RBM47: variants seen among roughly 807,000 people sequenced by gnomAD.
The protein encoded by RBM47 is RNA-binding protein 47.
Under a neutral mutation model 47.1 loss-of-function variants are expected in RBM47, and 21 were observed. The ratio of observed to expected loss-of-function variants is 0.45; its 90% CI spans 0.32 to 0.64. The LOEUF (loss-of-function observed/expected upper bound fraction) is 0.64, where lower values mean the gene tolerates loss of function less well. Among genes scored for constraint, RBM47 ranks in the 30% least tolerant of loss-of-function variants. The probability of loss-of-function intolerance (pLI) is 0.05; values close to 1 mark genes in which losing one functional copy is unlikely to be tolerated. For missense variants in RBM47, 708 were observed against 870.9 expected (o/e 0.81, Z 2.35); for synonymous variants, 375 against 361.7 (o/e 1.04, Z -0.42).
At chr4:40,602,645 TA>T (rs535210913) in intron 1 of RBM47, among the ~76,000 whole-genome samples, 1,473 of 122,818 alleles carry the variant, frequency 0.012, 13 homozygotes, top group Middle Eastern at 0.033. Flanking sequence ...AGAATCCGTT[TA>T]AAAAAAAAAA....
chr4:40,481,518 C>G lies in RBM47; in HGVS notation c.-154-14819G>C, dbSNP rs181207168. On this transcript the variant is annotated intron_variant, in intron 2 of 6. Coordinates refer to ENST00000295971, the MANE Select transcript of RBM47 (RefSeq NM_001098634.2). ...TTTTTATTTTTGAGATGTACTCAAG[C>G]CCTGGGGAAGTGCAGTCAAAGACCT... 6.8e-5 allele frequency among the ~76,000 whole-genome samples: 10 copies of G among 147,230 alleles called. No individual in the cohort carries two copies. The East Asian group carries it at 1.8e-3, about 26-fold the overall frequency.
chr4:40,468,157 G>C (rs570967522), intron 2 of RBM47, among the ~76,000 whole-genome samples: 1 of 152,196 alleles, frequency 6.6e-6, no homozygotes, highest in African/African-American at 2.4e-5. Context: ...TGCAGTGGTA[G>C]GCGCCTGTAA....
intron 1 of RBM47, among the ~76,000 whole-genome samples, chr4:40,563,140 G>C (rs1285813696): frequency 2.0e-5 from 3 of 152,168 alleles, no homozygotes; most frequent in Non-Finnish European, 2.9e-5. Flanking sequence ...GCAGTGAGCC[G>C]AGATGGCGCC....
chr4:40,461,598 C>T (rs1331331198), intron 3 of RBM47, among the ~76,000 whole-genome samples: 2 of 152,140 alleles, frequency 1.3e-5, no homozygotes, highest in Non-Finnish European at 2.9e-5. Flanking sequence ...GGCTGGATTT[C>T]AGTTTGTTTC....
chr4:40,591,392 C>A (rs958249388), intron 1 of RBM47, among the ~76,000 whole-genome samples: 2 of 152,046 alleles, frequency 1.3e-5, no homozygotes, highest in Admixed American at 6.6e-5. Flanking sequence ...ATAAGAAAAT[C>A]AGATATGTGA....
chr4:40,458,205 T>C (rs1245828161), intron 3 of RBM47, among the ~76,000 whole-genome samples: 2 of 152,216 alleles, frequency 1.3e-5, no homozygotes, highest in African/African-American at 4.8e-5. Context: ...AAAAATAACA[T>C]AGGTCTTTTT....
chr4:40,541,248 C>T (rs397544), intron 2 of RBM47, among the ~76,000 whole-genome samples: 2 of 147,522 alleles, frequency 1.4e-5, no homozygotes, highest in Non-Finnish European at 3.0e-5. Context: ...CCTAGGTGAC[C>T]GAGCAAGATT....
At chr4:40,447,331 TGTTATGTTTTAGGGAGA>T (rs1224429636) in intron 3 of RBM47, among the ~76,000 whole-genome samples, 1 of 152,226 alleles carries the variant, frequency 6.6e-6, no homozygotes, top group Non-Finnish European at 1.5e-5. Flanking sequence ...TAGGGATTTT[TGTTATGTTTTAGGGAGA>T]GTTTGAACTT....
At chr4:40,481,753 T>C (rs1168535241) in intron 2 of RBM47, among the ~76,000 whole-genome samples, 2 of 152,212 alleles carry the variant, frequency 1.3e-5, no homozygotes, top group Non-Finnish European at 2.9e-5. Flanking sequence ...GGTTTTGCCA[T>C]GTTGGCCAGG....
At chr4:40,578,609 T>C (rs1732560465) in intron 1 of RBM47, among the ~76,000 whole-genome samples, 1 of 152,246 alleles carries the variant, frequency 6.6e-6, no homozygotes, top group Non-Finnish European at 1.5e-5. Flanking sequence ...ATTTCATTGT[T>C]CTTCCATCTG....
At chr4:40,506,764 C>T (rs1186648062) in intron 2 of RBM47, among the ~76,000 whole-genome samples, 2 of 152,194 alleles carry the variant, frequency 1.3e-5, no homozygotes, top group Non-Finnish European at 2.9e-5. Context: ...AAATACTTTG[C>T]TCTTTATTGG....
chr4:40,508,668 G>A (rs1198559252), intron 2 of RBM47, among the ~76,000 whole-genome samples: 1 of 152,194 alleles, frequency 6.6e-6, no homozygotes, highest in Non-Finnish European at 1.5e-5. Context: ...GGTGATACAA[G>A]TCAGAATGGT....
At chr4:40,556,384 C>T (rs1371497723) in intron 1 of RBM47, among the ~76,000 whole-genome samples, 2 of 149,750 alleles carry the variant, frequency 1.3e-5, no homozygotes, top group East Asian at 2.1e-4. Flanking sequence ...ATCTTCATTA[C>T]TTAATGAAGA....
chr4:40,569,756 GTT>G (rs1209153087), intron 1 of RBM47, among the ~76,000 whole-genome samples: 1 of 149,722 alleles, frequency 6.7e-6, no homozygotes, highest in Non-Finnish European at 1.5e-5. Flanking sequence ...TGTCGCCCAG[GTT>G]GGAGTGCAGT....
chr4:40,567,922 C>T (rs1731247839), intron 1 of RBM47, among the ~76,000 whole-genome samples: 1 of 151,934 alleles, frequency 6.6e-6, no homozygotes. Flanking sequence ...TCACACTGAC[C>T]TCTGTTATGA....
At chr4:40,499,705 G>T (rs1024461556) in intron 2 of RBM47, among the ~76,000 whole-genome samples, 2 of 152,206 alleles carry the variant, frequency 1.3e-5, no homozygotes, top group African/African-American at 4.8e-5. Context: ...ACCGCGCTCA[G>T]CCTGTTATTA....
At chr4:40,475,148 G>A (rs1020646393) in intron 2 of RBM47, among the ~76,000 whole-genome samples, 3 of 152,074 alleles carry the variant, frequency 2.0e-5, no homozygotes, top group African/African-American at 7.2e-5. Context: ...CTATTGGTTT[G>A]AAAACAATGA....
chr4:40,550,623 G>T (rs6447190), intron 1 of RBM47, among the ~76,000 whole-genome samples: 22,845 of 151,688 alleles, frequency 0.15, 1,991 homozygotes, highest in African/African-American at 0.23. Flanking sequence ...TTCACCATGT[G>T]GGCCAGGCTG....
intron 1 of RBM47, among the ~76,000 whole-genome samples, chr4:40,626,095 C>T (rs1450923514): frequency 6.6e-6 from 1 of 152,172 alleles, no homozygotes; most frequent in Non-Finnish European, 1.5e-5. Flanking sequence ...AACACATAAA[C>T]CATATGCATC....
Sources: allele counts gnomAD v4.1 joint callset (sites outside exome capture counted in the v4.1 genomes callset), GRCh38; gene constraint gnomAD v4.1.1; transcripts MANE v1.5; gene names NCBI Gene and HGNC (gene_info 2026-07-23, HGNC 2026-07-21).